Variants in NRG3 observed in about 807,000 individuals in gnomAD.
NRG3 encodes the protein pro-neuregulin-3, membrane-bound isoform.
NRG3 carries 31 observed loss-of-function variants against 66.9 expected under a neutral mutation model. The observed-to-expected ratio is 0.46, with a 90% CI of 0.35 to 0.63. The LOEUF (loss-of-function observed/expected upper bound fraction) is 0.63, where lower values mean the gene tolerates loss of function less well. Ranked by LOEUF, NRG3 falls within the 20% of genes least tolerant of loss-of-function variation. The pLI is 0.00. For missense variants in NRG3, 910 were observed against 878.9 expected (o/e 1.04, Z -0.45); for synonymous variants, 393 against 359.4 (o/e 1.09, Z -1.06).
chr10:82,841,408 G>A (rs866443753), intron 3 of NRG3, among the ~76,000 whole-genome samples: 1 of 152,150 alleles, frequency 6.6e-6, no homozygotes, highest in African/African-American at 2.4e-5. Context: ...AATATGAATA[G>A]TGATGATTAA....
chr10:82,561,862 C>T (rs2045068060), intron 2 of NRG3, among the ~76,000 whole-genome samples: 1 of 152,036 alleles, frequency 6.6e-6, no homozygotes, highest in Admixed American at 6.6e-5. Flanking sequence ...GATGTCAGCT[C>T]CTGAAAGATT....
In NRG3 at chr10:81,875,262, C is replaced by T; in HGVS notation, c.-79C>T. ...CGCCGCCGCCGCCGGAGCCCGCGCC[C>T]GCGCCCGCGCCCGGCCCGCGCGGCC... is the stretch of plus-strand genomic sequence containing the variant. On this transcript the variant is annotated 5_prime_UTR_variant, in exon 1 of 9. Coordinates refer to ENST00000372141, the MANE Select transcript of NRG3 (RefSeq NM_001010848.4). The surrounding 1 kb of genome is among the most constrained non-coding windows in gnomAD (Gnocchi z 5.3). 1 of 940,514 alleles carries T rather than the reference C, an allele frequency of 1.1e-6. No homozygotes were observed. The highest frequency in any genetic ancestry group is 1.2e-4 in the East Asian group (1 of 8,402). The allele number at this position is 940,514 out of a possible 1,614,324, so 58.3% of individuals were successfully genotyped here. A position where few individuals can be genotyped will look rare whatever the true frequency, so the allele number is the denominator to read the frequency against.
At chr10:82,957,150 G>A (rs558106973) in intron 5 of NRG3, among the ~76,000 whole-genome samples, 2 of 151,894 alleles carry the variant, frequency 1.3e-5, no homozygotes, top group African/African-American at 4.9e-5. Flanking sequence ...TGATGGTATC[G>A]GGAAAGATAT....
chr10:82,593,184 T>G (rs1386323266), intron 2 of NRG3, among the ~76,000 whole-genome samples: 1 of 152,126 alleles, frequency 6.6e-6, no homozygotes, highest in African/African-American at 2.4e-5. Context: ...CATCACATAA[T>G]AAGAGTTGTA....
intron 2 of NRG3, among the ~76,000 whole-genome samples, chr10:82,591,409 C>T (rs367701894): frequency 1.4e-4 from 22 of 152,274 alleles, no homozygotes; most frequent in African/African-American, 4.3e-4. Flanking sequence ...GATAAACATT[C>T]ATAGTTTTAA....
chr10:82,065,084 A>T (rs1260814703), intron 1 of NRG3, among the ~76,000 whole-genome samples: 1 of 152,192 alleles, frequency 6.6e-6, no homozygotes, highest in Non-Finnish European at 1.5e-5. Context: ...ATACTTTATC[A>T]TTCCAACTTT....
intron 1 of NRG3, among the ~76,000 whole-genome samples, chr10:81,987,398 A>G (rs2060568364): frequency 6.6e-6 from 1 of 152,242 alleles, no homozygotes; most frequent in South Asian, 2.1e-4. Flanking sequence ...TTTTAAGAAC[A>G]AATTATCTGA....
chr10:82,409,966 C>T (rs1194147100), intron 2 of NRG3, among the ~76,000 whole-genome samples: 1 of 152,122 alleles, frequency 6.6e-6, no homozygotes, highest in Non-Finnish European at 1.5e-5. Flanking sequence ...GCTTCCCACC[C>T]TGAGCAAGCG....
chr10:82,475,842 A>G (rs1342416701), intron 2 of NRG3, among the ~76,000 whole-genome samples: 5 of 152,208 alleles, frequency 3.3e-5, no homozygotes, highest in African/African-American at 1.2e-4. Context: ...CATAAATTGA[A>G]CTACATCAAA....
chr10:81,949,632 G>A (rs1324585335), intron 1 of NRG3, among the ~76,000 whole-genome samples: 1 of 152,030 alleles, frequency 6.6e-6, no homozygotes, highest in Non-Finnish European at 1.5e-5. Context: ...TGTATTTAAT[G>A]GTTAAGATTT....
At chr10:82,452,344 C>T (rs924185520) in intron 2 of NRG3, among the ~76,000 whole-genome samples, 2 of 152,124 alleles carry the variant, frequency 1.3e-5, no homozygotes, top group African/African-American at 4.8e-5. Context: ...AATACCACAT[C>T]CTCATTTTCA....
intron 1 of NRG3, among the ~76,000 whole-genome samples, chr10:82,044,711 T>C (rs1364705391): frequency 6.6e-6 from 1 of 152,016 alleles, no homozygotes; most frequent in Non-Finnish European, 1.5e-5. Flanking sequence ...TATCTCCTAA[T>C]GCTATCCCTC....
intron 2 of NRG3, among the ~76,000 whole-genome samples, chr10:82,433,440 C>A (rs1293305213): frequency 6.6e-6 from 1 of 152,104 alleles, no homozygotes; most frequent in Non-Finnish European, 1.5e-5. Flanking sequence ...ATGATAATTT[C>A]TTTTGCTGTG....
intron 2 of NRG3, among the ~76,000 whole-genome samples, chr10:82,510,462 A>G (rs529553064): frequency 4.6e-5 from 7 of 152,260 alleles, no homozygotes; most frequent in East Asian, 1.9e-4. Context: ...TCTTATTTTG[A>G]TGGTTTCAGT....
intron 3 of NRG3, among the ~76,000 whole-genome samples, chr10:82,793,928 A>T (rs1459260807): frequency 6.6e-6 from 1 of 152,218 alleles, no homozygotes; most frequent in Non-Finnish European, 1.5e-5. Flanking sequence ...AAAGTATAAT[A>T]TGGTCTACCA....
At chr10:82,829,974 C>A (rs928865902) in intron 3 of NRG3, among the ~76,000 whole-genome samples, 1 of 152,120 alleles carries the variant, frequency 6.6e-6, no homozygotes, top group Non-Finnish European at 1.5e-5. Flanking sequence ...TAAAATCAAG[C>A]ACCTCTGCTA....
chr10:82,274,467 GT>G (rs1437267215), intron 1 of NRG3, among the ~76,000 whole-genome samples: 1 of 151,896 alleles, frequency 6.6e-6, no homozygotes, highest in African/African-American at 2.4e-5. Context: ...ACAGTAAGTA[GT>G]TTATTTCTGA....
At chr10:82,563,675 G>T (rs982820536) in intron 2 of NRG3, among the ~76,000 whole-genome samples, 1 of 151,496 alleles carries the variant, frequency 6.6e-6, no homozygotes, top group African/African-American at 2.4e-5. Context: ...ATGATGTTTT[G>T]ATTTGTGTGC....
chr10:82,305,743 A>C (rs1267532447), intron 1 of NRG3, among the ~76,000 whole-genome samples: 1 of 152,104 alleles, frequency 6.6e-6, no homozygotes, highest in African/African-American at 2.4e-5. Flanking sequence ...ATATACAGTA[A>C]TTTTTCAGTT....
Sources: allele counts gnomAD v4.1 joint callset (sites outside exome capture counted in the v4.1 genomes callset), GRCh38; gene constraint gnomAD v4.1.1; non-coding constraint Gnocchi (gnomAD v3.1); transcripts MANE v1.5; gene names NCBI Gene and HGNC (gene_info 2026-07-23, HGNC 2026-07-21).